The following UMAD1 variants were observed in gnomAD, a reference collection of about 807,000 sequenced individuals.
The protein encoded by UMAD1 is UBAP1-MVB12-associated (UMA)-domain containing protein 1.
Under a neutral mutation model 6.1 loss-of-function variants are expected in UMAD1, and 8 were observed. That is an observed-to-expected ratio of 1.30 (90% CI 0.76 to 2.35). UMAD1 has a LOEUF of 2.35. UMAD1 is among the 30% of genes most tolerant of loss of function. The pLI is 0.00. For synonymous variants in UMAD1, 56 were observed against 31.4 expected, an observed-to-expected ratio of 1.78 and a Z score of -2.61; for missense variants, 130 against 78.4, an observed-to-expected ratio of 1.66 and a Z score of -2.49.
chr7:7,740,298 G>T (rs1481682648), intron 2 of UMAD1, among the ~76,000 whole-genome samples: 1 of 152,176 alleles, frequency 6.6e-6, no homozygotes, highest in Non-Finnish European at 1.5e-5. Context: ...AGGATGTATT[G>T]TGAGCAATCA....
chr7:7,700,227 C>G (rs1331336054), intron 2 of UMAD1, among the ~76,000 whole-genome samples: 2 of 152,154 alleles, frequency 1.3e-5, no homozygotes, highest in East Asian at 3.8e-4. Flanking sequence ...GCACTTTCTC[C>G]CTGCTCCCCA....
At chr7:7,859,096 C>G (rs1275143112) in intron 3 of UMAD1, among the ~76,000 whole-genome samples, 1 of 152,182 alleles carries the variant, frequency 6.6e-6, no homozygotes, top group Non-Finnish European at 1.5e-5. Flanking sequence ...TTTTCAAGCA[C>G]TAGCATTCAG....
chr7:7,658,010 C>A (rs1303101244), intron 1 of UMAD1, among the ~76,000 whole-genome samples: 1 of 152,122 alleles, frequency 6.6e-6, no homozygotes, highest in Non-Finnish European at 1.5e-5. Flanking sequence ...TATAATTCTT[C>A]TTGAAGAGGT....
chr7:7,644,632 C>T (rs1345683681), intron 1 of UMAD1, among the ~76,000 whole-genome samples: 1 of 152,138 alleles, frequency 6.6e-6, no homozygotes, highest in African/African-American at 2.4e-5. Flanking sequence ...GACTGTATCA[C>T]CTTTTTGCCA....
chr7:7,658,773 T>C (rs147824591), intron 1 of UMAD1, among the ~76,000 whole-genome samples: 2 of 152,198 alleles, frequency 1.3e-5, no homozygotes, highest in African/African-American at 2.4e-5. Flanking sequence ...TGAAATTTTC[T>C]TTTTTTGTTG....
intron 2 of UMAD1, among the ~76,000 whole-genome samples, chr7:7,674,285 T>TA (rs1355272204): frequency 6.6e-6 from 1 of 152,222 alleles, no homozygotes; most frequent in African/African-American, 2.4e-5. Flanking sequence ...TCCTACCTCT[T>TA]ACTTCCTTTA....
At chr7:7,835,293 T>G (rs1370215933) in intron 3 of UMAD1, among the ~76,000 whole-genome samples, 1 of 151,932 alleles carries the variant, frequency 6.6e-6, no homozygotes, top group Non-Finnish European at 1.5e-5. Flanking sequence ...CCATTATAGG[T>G]TTTATCTTTT....
rs1205394212 is a variant in UMAD1 at position 7,847,100 on chromosome 7, AAAAAATATATATATATATATATATAT to A, written c.157-30179_157-30154del. ...AAGACAGCAATGCAAAAAAAAAAAA[AAAAAATATATATATATATATATATAT>A]ATATATATATATATATATATATATA... On this transcript the variant is annotated intron_variant, in intron 3 of 3. Transcript: ENST00000682710. Among the ~76,000 whole-genome samples, 108 of 38,442 alleles carry A rather than the reference AAAAAATATATATATATATATATATAT, an allele frequency of 2.8e-3. 9 individuals carry two copies. The highest frequency in any genetic ancestry group is 0.011 in the East Asian group (14 of 1,266). The allele number at this position is 38,442 out of a possible 152,430, so 25.2% of individuals were successfully genotyped here. A position where few individuals can be genotyped will look rare whatever the true frequency, so the allele number is the denominator to read the frequency against.
intron 2 of UMAD1, among the ~76,000 whole-genome samples, chr7:7,709,035 C>A (rs1780681330): frequency 6.6e-6 from 1 of 151,786 alleles, no homozygotes; most frequent in Non-Finnish European, 1.5e-5. Flanking sequence ...GAAAACAGTC[C>A]TAACTATTAA....
At chr7:7,747,349 G>C (rs1016489398) in intron 2 of UMAD1, among the ~76,000 whole-genome samples, 4 of 152,118 alleles carry the variant, frequency 2.6e-5, no homozygotes, top group Non-Finnish European at 5.9e-5. Flanking sequence ...ATATCATAGA[G>C]CATTTCATAC....
intron 3 of UMAD1, among the ~76,000 whole-genome samples, chr7:7,855,550 G>A (rs183986747): frequency 6.6e-4 from 100 of 152,330 alleles, no homozygotes; most frequent in South Asian, 1.7e-3. Flanking sequence ...CTAGGATACA[G>A]GGCACCAAAT....
At chr7:7,714,936 T>C (rs972076855) in intron 2 of UMAD1, among the ~76,000 whole-genome samples, 1 of 150,412 alleles carries the variant, frequency 6.6e-6, no homozygotes, top group African/African-American at 2.5e-5. Context: ...ACAGGGGCAC[T>C]AGAATTAAAC....
In UMAD1 at chr7:7,856,433, G is replaced by T. The variant is rs187259124; in HGVS notation, c.157-20848G>T. Among the ~76,000 whole-genome samples, 707 of 152,282 alleles carry T rather than the reference G, an allele frequency of 4.6e-3. 2 individuals are homozygous for T. Among genetic ancestry groups the T allele is most frequent in the Non-Finnish European group, 8.0e-3 (544 of 68,006 alleles). On this transcript the variant is annotated intron_variant, in intron 3 of 3. Coordinates refer to ENST00000682710, the MANE Select transcript of UMAD1 (RefSeq NM_001302348.2). ...GATGCTTATAAAACCCTCAGATCTT[G>T]TGAGAACTTACTCACTATCACAAGA... is the stretch of plus-strand genomic sequence containing the variant.
At chr7:7,670,263 A>G (rs773920405) in intron 1 of UMAD1, among the ~76,000 whole-genome samples, 1 of 152,206 alleles carries the variant, frequency 6.6e-6, no homozygotes, top group African/African-American at 2.4e-5. Context: ...ACTTGTGGCC[A>G]GACATCAAAA....
chr7:7,832,405 T>A (rs1783484424), intron 3 of UMAD1, among the ~76,000 whole-genome samples: 1 of 152,156 alleles, frequency 6.6e-6, no homozygotes, highest in Admixed American at 6.6e-5. Context: ...CCTTACTCAC[T>A]AAAGAGGACT....
At chr7:7,673,600 G>C (rs1460470093) in intron 2 of UMAD1, 147 bp downstream of exon 2, 1 of 600,524 alleles carries the variant, frequency 1.7e-6, no homozygotes, top group Non-Finnish European at 2.9e-6. Context: ...AATCTGTAAA[G>C]ATGAAAGTCA....
At position 7,877,421 on chromosome 7, in the gene UMAD1, A is replaced by C; in HGVS notation, c.297A>C (p.Ala99=). 1.4e-6 allele frequency: 1 copy of C among 717,734 alleles called. No individual in the cohort carries two copies. The allele number at this position is 717,734 out of a possible 1,614,324, so 44.5% of individuals were successfully genotyped here. Residue 99 remains alanine (A), a synonymous_variant, in exon 4 of 4, where the codon GCA becomes GCC. Coordinates refer to ENST00000682710, the MANE Select transcript of UMAD1 (RefSeq NM_001302348.2). ...TCACCCTGGCCCCGCATGTGCTGGCAGTACAGGGCACCATCACTGACCTTC... is the reference window on the plus strand; with the variant it reads ...TCACCCTGGCCCCGCATGTGCTGGCCGTACAGGGCACCATCACTGACCTTC... ...VPFTLAPHVL[A]VQGTITDLPD...
intron 3 of UMAD1, 78 bp from the exon 4 acceptor site, chr7:7,877,203 A>T (rs1784434865): frequency 1.8e-5 from 12 of 652,628 alleles, no homozygotes; most frequent in Non-Finnish European, 2.9e-6. Context: ...AATCATTTTG[A>T]TGTATTAATG....
rs116223531 is a variant in UMAD1 at position 7,855,269 on chromosome 7, G to A, written c.157-22012G>A. 3.5e-3 allele frequency among the ~76,000 whole-genome samples: 527 copies of A among 152,308 alleles called. 3 individuals carry two copies. The highest frequency in any genetic ancestry group is 0.012 in the African/African-American group (511 of 41,552). ...TAGACAGTGCCCCAGTGTGGACTCT[G>A]CATGAGGGCTCCAACCCCACATTTC... On this transcript the variant is annotated intron_variant, in intron 3 of 3. Coordinates refer to ENST00000682710, the MANE Select transcript of UMAD1 (RefSeq NM_001302348.2).
Sources: allele counts gnomAD v4.1 joint callset (sites outside exome capture counted in the v4.1 genomes callset), GRCh38; gene constraint gnomAD v4.1.1; transcripts MANE v1.5; gene names NCBI Gene and HGNC (gene_info 2026-07-23, HGNC 2026-07-21).